The following RORB variants were observed in gnomAD, a reference collection of about 807,000 sequenced individuals.
RORB encodes RAR related orphan receptor B.
A neutral mutation model predicts 59.1 loss-of-function variants in RORB; 6 were observed. The observed-to-expected ratio is 0.10, with a 90% CI of 0.06 to 0.20. The LOEUF is 0.20. Ranked by LOEUF, RORB falls within the 10% of genes least tolerant of loss-of-function variation. RORB has a pLI of 1.00. For synonymous variants in RORB, 215 were observed against 204.5 expected (o/e 1.05, Z -0.44); for missense variants, 320 against 560.5 (o/e 0.57, Z 4.33).
chr9:74,535,329 T>A (rs968556639), intron 1 of RORB, among the ~76,000 whole-genome samples: 1 of 152,068 alleles, frequency 6.6e-6, no homozygotes, highest in Non-Finnish European at 1.5e-5. Context: ...AGATCTTTTT[T>A]CCCACCTTCT....
At chr9:74,590,922 C>T (rs563379253) in intron 1 of RORB, among the ~76,000 whole-genome samples, 10 of 152,192 alleles carry the variant, frequency 6.6e-5, no homozygotes, top group Middle Eastern at 3.4e-3. Context: ...CAGCCCCCCA[C>T]GTAGCTGGGA....
chr9:74,602,817 G>A (rs1823088600), intron 1 of RORB, among the ~76,000 whole-genome samples: 1 of 152,102 alleles, frequency 6.6e-6, no homozygotes, highest in Non-Finnish European at 1.5e-5. Flanking sequence ...AATTAAAAAT[G>A]TACAGTGCCA....
chr9:74,670,970 T>A (rs1431415421), intron 8 of RORB, among the ~76,000 whole-genome samples: 1 of 152,182 alleles, frequency 6.6e-6, no homozygotes, highest in African/African-American at 2.4e-5. Flanking sequence ...CCATGAGTAT[T>A]TGTTCGGCAT....
At chr9:74,514,325 A>G (rs901591039) in intron 1 of RORB, among the ~76,000 whole-genome samples, 2 of 152,056 alleles carry the variant, frequency 1.3e-5, no homozygotes, top group Non-Finnish European at 2.9e-5. Flanking sequence ...CCAAATAGTA[A>G]ATATTTTAGA....
chr9:74,538,316 T>C (rs1187275296), intron 1 of RORB, among the ~76,000 whole-genome samples: 1 of 152,114 alleles, frequency 6.6e-6, no homozygotes, highest in African/African-American at 2.4e-5. Context: ...TGTATTCTTG[T>C]TCTCAAGAAG....
intron 1 of RORB, among the ~76,000 whole-genome samples, chr9:74,500,838 G>A (rs965945365): frequency 6.6e-6 from 1 of 152,162 alleles, no homozygotes; most frequent in Admixed American, 6.5e-5. Context: ...CGGACACAGC[G>A]CAGTTGCTTA....
chr9:74,536,614 G>A (rs776387560), intron 1 of RORB, among the ~76,000 whole-genome samples: 1 of 151,916 alleles, frequency 6.6e-6, no homozygotes, highest in African/African-American at 2.4e-5. Context: ...CAAACCAATT[G>A]TTCACTCTGA....
intron 9 of RORB, among the ~76,000 whole-genome samples, chr9:74,675,172 G>A (rs184440469): frequency 1.2e-3 from 189 of 152,150 alleles, no homozygotes; most frequent in African/African-American, 4.2e-3. Flanking sequence ...CCAAGTGATG[G>A]GGGCAATGGC....
At chr9:74,533,921 C>T (rs572040563) in intron 1 of RORB, among the ~76,000 whole-genome samples, 18 of 151,916 alleles carry the variant, frequency 1.2e-4, no homozygotes, top group Non-Finnish European at 5.9e-5. Flanking sequence ...AAGAAGGACG[C>T]TGTACTGTTG....
At chr9:74,632,355 C>T (rs1823633791) in intron 2 of RORB, among the ~76,000 whole-genome samples, 1 of 152,078 alleles carries the variant, frequency 6.6e-6, no homozygotes, top group Non-Finnish European at 1.5e-5. Flanking sequence ...ATGGAAAAAA[C>T]CCACATTTGT....
chr9:74,638,603 T>C (rs962056407), intron 3 of RORB, among the ~76,000 whole-genome samples: 1 of 152,198 alleles, frequency 6.6e-6, no homozygotes. Flanking sequence ...TAATATGTAG[T>C]GATAAGAAGA....
At chr9:74,572,592 A>T (rs1164291256) in intron 1 of RORB, among the ~76,000 whole-genome samples, 2 of 152,166 alleles carry the variant, frequency 1.3e-5, no homozygotes, top group African/African-American at 2.4e-5. Context: ...GGTGCTCTTG[A>T]GGGTAATGAG....
At chr9:74,520,672 A>G (rs965838242) in intron 1 of RORB, among the ~76,000 whole-genome samples, 2 of 151,924 alleles carry the variant, frequency 1.3e-5, no homozygotes, top group African/African-American at 4.8e-5. Flanking sequence ...CAATATTTCA[A>G]CTTTTAAAAG....
At chr9:74,541,279 CAAAAAAAAAAAA>C (rs374556016) in intron 1 of RORB, among the ~76,000 whole-genome samples, 6 of 43,572 alleles carry the variant, frequency 1.4e-4, no homozygotes, top group South Asian at 2.2e-3. Context: ...GACTCCATCT[CAAAAAAAAAAAA>C]AAAAAAAAAA....
At chr9:74,661,989 A>G (rs915485561) in intron 5 of RORB, among the ~76,000 whole-genome samples, 9 of 152,112 alleles carry the variant, frequency 5.9e-5, no homozygotes, top group African/African-American at 2.2e-4. Context: ...TAGGTCTGGG[A>G]AAAAGACACA....
At chr9:74,596,797 T>C (rs1036445638) in intron 1 of RORB, among the ~76,000 whole-genome samples, 1 of 152,228 alleles carries the variant, frequency 6.6e-6, no homozygotes, top group Non-Finnish European at 1.5e-5. Flanking sequence ...AATTTATATT[T>C]AAGCTAATTA....
At chr9:74,622,693 A>G (rs959382311) in intron 1 of RORB, among the ~76,000 whole-genome samples, 1 of 151,428 alleles carries the variant, frequency 6.6e-6, no homozygotes. Context: ...CACCCAGCTA[A>G]TTTTTGTATT....
chr9:74,544,128 T>C (rs1826453345), intron 1 of RORB, among the ~76,000 whole-genome samples: 1 of 152,208 alleles, frequency 6.6e-6, no homozygotes, highest in Admixed American at 6.5e-5. Flanking sequence ...TCTTCATTAC[T>C]CAGCCTCTGT....
intron 1 of RORB, among the ~76,000 whole-genome samples, chr9:74,600,174 AG>A (rs1445075892): frequency 6.6e-6 from 1 of 152,198 alleles, no homozygotes; most frequent in Non-Finnish European, 1.5e-5. Flanking sequence ...CTTAGCAATA[AG>A]CTCCAGACTT....
Sources: gnomAD v4.1 joint callset for allele counts (sites outside exome capture counted in the v4.1 genomes callset) on GRCh38, gnomAD v4.1.1 for gene constraint, MANE v1.5 for transcripts, NCBI Gene and HGNC (gene_info 2026-07-23, HGNC 2026-07-21) for gene names.